The following CALCR variants were observed in gnomAD, a reference collection of about 807,000 sequenced individuals.
CALCR encodes the protein calcitonin receptor.
CALCR carries 47 observed loss-of-function variants against 59.5 expected under a neutral mutation model. That is an observed-to-expected ratio of 0.79 (90% confidence interval 0.63 to 1.01). The LOEUF (loss-of-function observed/expected upper bound fraction) is 1.01, where lower values mean the gene tolerates loss of function less well. CALCR is among the 50% of genes least tolerant of loss of function. CALCR has a pLI of 0.00. For missense variants in CALCR, 566 were observed against 597.1 expected (o/e 0.95, Z 0.54); for synonymous variants, 213 against 211.3 (o/e 1.01, Z -0.07).
chr7:93,475,459 T>A (rs1310946363), intron 5 of CALCR, among the ~76,000 whole-genome samples: 3 of 151,864 alleles, frequency 2.0e-5, no homozygotes, highest in Non-Finnish European at 1.5e-5. Flanking sequence ...TTGCTAATGT[T>A]ATTTGTCAAT....
At chr7:93,540,362 T>C (rs143745764) in intron 2 of CALCR, among the ~76,000 whole-genome samples, 120 of 152,306 alleles carry the variant, frequency 7.9e-4, no homozygotes, top group African/African-American at 2.8e-3. Flanking sequence ...GCTGAAACTA[T>C]TTTGTGCTGA....
At chr7:93,460,572 A>AATAT (rs57481670) in intron 8 of CALCR, among the ~76,000 whole-genome samples, 14 of 66,514 alleles carry the variant, frequency 2.1e-4, no homozygotes, top group African/African-American at 6.0e-4. Flanking sequence ...AAAAAAAAAA[A>AATAT]ATATATATAT....
chr7:93,555,843 A>G (rs184874788), intron 2 of CALCR, among the ~76,000 whole-genome samples: 1 of 152,164 alleles, frequency 6.6e-6, no homozygotes, highest in Non-Finnish European at 1.5e-5. Context: ...CAGTGGACAG[A>G]TATTTATCGC....
At chr7:93,483,880 C>A in intron 3 of CALCR, 4 of 427,816 alleles carry the variant, frequency 9.3e-6, no homozygotes, top group Admixed American at 2.3e-5. Context: ...GCATATAAAC[C>A]ATCTTACATG....
rs182205073 is a variant in CALCR, at chr7:93,489,239, A to G, written c.-26-2232T>C. Among the ~76,000 whole-genome samples the G allele has an allele frequency of 3.8e-4, 58 of 152,096 alleles. 2 individuals are homozygous for G. In the East Asian group the frequency reaches 7.4e-3, roughly 19 times the overall value. On this transcript the variant is annotated intron_variant, in intron 2 of 13. Transcript: ENST00000426151. ...AATGAGAACAAAGAGACAATGTACC[A>G]GAATCTCTGGGACACAGTTAAAGCA...
intron 2 of CALCR, among the ~76,000 whole-genome samples, chr7:93,510,297 C>G (rs1286498342): frequency 6.6e-6 from 1 of 152,052 alleles, no homozygotes; most frequent in East Asian, 1.9e-4. Context: ...TACTTAGGAC[C>G]CGTCCAATGT....
At chr7:93,533,683 C>T (rs1788907885) in intron 2 of CALCR, among the ~76,000 whole-genome samples, 1 of 151,840 alleles carries the variant, frequency 6.6e-6, no homozygotes, top group African/African-American at 2.4e-5. Context: ...GCTGGATTTA[C>T]TCTGATTCAA....
At chr7:93,539,436 C>G (rs1258092195) in intron 2 of CALCR, among the ~76,000 whole-genome samples, 1 of 151,834 alleles carries the variant, frequency 6.6e-6, no homozygotes, top group Non-Finnish European at 1.5e-5. Context: ...GCCCAGTGTT[C>G]TAGTAATACT....
chr7:93,556,717 C>T (rs1285607493), intron 2 of CALCR, among the ~76,000 whole-genome samples: 1 of 151,730 alleles, frequency 6.6e-6, no homozygotes, highest in Non-Finnish European at 1.5e-5. Flanking sequence ...TATATGATGA[C>T]CATATTTTCA....
intron 2 of CALCR, among the ~76,000 whole-genome samples, chr7:93,552,270 A>G (rs1789479759): frequency 6.6e-6 from 1 of 152,166 alleles, no homozygotes; most frequent in African/African-American, 2.4e-5. Flanking sequence ...GCCCAGCTCA[A>G]CTTCTCAAAA....
At chr7:93,483,064 G>A (rs1028766355) in intron 3 of CALCR, among the ~76,000 whole-genome samples, 15 of 151,650 alleles carry the variant, frequency 9.9e-5, no homozygotes, top group Non-Finnish European at 1.0e-4. Flanking sequence ...AGGACCTCCT[G>A]TGGATACCAA....
chr7:93,572,588 T>A (rs538261326), intron 2 of CALCR, among the ~76,000 whole-genome samples: 22 of 152,278 alleles, frequency 1.4e-4, no homozygotes, highest in African/African-American at 5.3e-4. Context: ...TAGATAATAT[T>A]TCCATTCATG....
chr7:93,538,774 C>T (rs549839802), intron 2 of CALCR, among the ~76,000 whole-genome samples: 11 of 152,110 alleles, frequency 7.2e-5, no homozygotes, highest in African/African-American at 2.4e-4. Context: ...TACATGCACC[C>T]TCTGGAATAA....
At chr7:93,521,962 G>T (rs1444702370) in intron 2 of CALCR, among the ~76,000 whole-genome samples, 1 of 152,076 alleles carries the variant, frequency 6.6e-6, no homozygotes, top group Non-Finnish European at 1.5e-5. Flanking sequence ...ATTTCTGAAT[G>T]CTCTTAACTT....
chr7:93,553,238 T>C (rs1789511617), intron 2 of CALCR, among the ~76,000 whole-genome samples: 1 of 151,104 alleles, frequency 6.6e-6, no homozygotes, highest in Non-Finnish European at 1.5e-5. Flanking sequence ...TGGTTTGTGT[T>C]GCTCCACCAA....
chr7:93,460,593 G>GTATA (rs368578654), intron 8 of CALCR, among the ~76,000 whole-genome samples: 77 of 89,350 alleles, frequency 8.6e-4, no homozygotes, highest in Middle Eastern at 0.014. Context: ...ATATATATAT[G>GTATA]TATATATATA....
intron 2 of CALCR, among the ~76,000 whole-genome samples, chr7:93,488,268 T>C (rs1298710027): frequency 6.6e-6 from 1 of 151,534 alleles, no homozygotes. Context: ...GCACTAAATA[T>C]GGAAAGGAAA....
In CALCR at chr7:93,569,227, A is replaced by G. The variant is rs182586130; in HGVS notation, c.-27+5062T>C. On this transcript the variant is annotated intron_variant, in intron 2 of 13. Transcript: ENST00000426151. ...ATTTTCCACCAGAGAGATCTACCAA[A>G]ATGGCAAATCTGATTATTTCAGTAA... Among the ~76,000 whole-genome samples the G allele has an allele frequency of 1.9e-3, 290 of 152,056 alleles. 1 individual carries two copies. The highest frequency in any genetic ancestry group is 6.5e-3 in the African/African-American group (271 of 41,462).
intron 2 of CALCR, among the ~76,000 whole-genome samples, chr7:93,550,155 T>C (rs1249274600): frequency 6.6e-6 from 1 of 152,084 alleles, no homozygotes; most frequent in Non-Finnish European, 1.5e-5. Context: ...ATTCTATGTA[T>C]ATGGTTTTGT....
Sources: allele counts gnomAD v4.1 joint callset (sites outside exome capture counted in the v4.1 genomes callset), GRCh38; gene constraint gnomAD v4.1.1; transcripts MANE v1.5; gene names NCBI Gene and HGNC (gene_info 2026-07-23, HGNC 2026-07-21).